BPTF: variants seen among roughly 807,000 people sequenced by gnomAD.
BPTF encodes bromodomain PHD finger transcription factor.
Under a neutral mutation model 292.5 loss-of-function variants are expected in BPTF, and 18 were observed. The observed-to-expected ratio is 0.06, with a 90% CI of 0.04 to 0.09. The LOEUF (loss-of-function observed/expected upper bound fraction) is 0.09, where lower values mean the gene tolerates loss of function less well. BPTF is among the 10% of genes least tolerant of loss of function. The pLI, the probability that BPTF is intolerant of heterozygous loss-of-function variation, is 1.00. For missense variants in BPTF, 2,726 were observed against 3,498.7 expected, an observed-to-expected ratio of 0.78 and a Z score of 5.57; for synonymous variants, 1,225 against 1,251.9, an observed-to-expected ratio of 0.98 and a Z score of 0.45.
chr17:67,890,136 C>G (rs1017762918), intron 4 of BPTF, among the ~76,000 whole-genome samples: 17 of 152,250 alleles, frequency 1.1e-4, no homozygotes, highest in Non-Finnish European at 2.1e-4. Context: ...ATTTTGGAGT[C>G]AAAATCTTAA....
intron 3 of BPTF, among the ~76,000 whole-genome samples, chr17:67,871,441 CAAAA>C: frequency 1.2e-5 from 1 of 80,142 alleles, no homozygotes; most frequent in African/African-American, 4.3e-5. Context: ...ACTTTGTCTC[CAAAA>C]AAAAAAAAAA....
At chr17:67,899,473 T>A (rs2061672177) in intron 7 of BPTF, among the ~76,000 whole-genome samples, 1 of 152,152 alleles carries the variant, frequency 6.6e-6, no homozygotes, top group Non-Finnish European at 1.5e-5. Flanking sequence ...GGGAACCTTC[T>A]TTGATAGTAA....
chr17:67,925,608 T>C (rs1239865465), intron 15 of BPTF, among the ~76,000 whole-genome samples: 1 of 152,176 alleles, frequency 6.6e-6, no homozygotes, highest in Non-Finnish European at 1.5e-5. Context: ...ATTGAGAAAA[T>C]ACTGTAAGAG....
chr17:67,843,782 T>TTTTTTTTTTTTTTTTTG (rs2057778684), intron 1 of BPTF, among the ~76,000 whole-genome samples: 1 of 124,542 alleles, frequency 8.0e-6, no homozygotes, highest in African/African-American at 3.1e-5. Flanking sequence ...TTTTTTTTTT[T>TTTTTTTTTTTTTTTTTG]GAGATGGAGT....
intron 2 of BPTF, 66 bp from the exon 3 acceptor site, chr17:67,866,398 A>T: frequency 8.1e-7 from 1 of 1,237,398 alleles, no homozygotes; most frequent in Non-Finnish European, 1.2e-6. Context: ...TTCACTGGGT[A>T]GATGAACTGT....
intron 27 of BPTF, among the ~76,000 whole-genome samples, chr17:67,976,684 TCAAAAAAAAAAAA>T (rs2069470785): frequency 3.5e-5 from 1 of 28,398 alleles, no homozygotes; most frequent in African/African-American, 1.5e-4. Context: ...AGACCCTGTC[TCAAAAAAAAAAAA>T]AAAAAAAAAA....
intron 17 of BPTF, among the ~76,000 whole-genome samples, chr17:67,930,167 T>C (rs2064251702): frequency 6.6e-6 from 1 of 152,078 alleles, no homozygotes; most frequent in African/African-American, 2.4e-5. Flanking sequence ...GTTAACTAGT[T>C]TGTTATCAGC....
intron 1 of BPTF, among the ~76,000 whole-genome samples, chr17:67,844,396 C>T (rs558949057): frequency 1.8e-4 from 27 of 151,134 alleles, no homozygotes; most frequent in East Asian, 1.2e-3. Context: ...TACAGGCGCC[C>T]GCCACCACGC....
intron 4 of BPTF, among the ~76,000 whole-genome samples, chr17:67,883,001 TAAAAAAAAAAA>T (rs886889170): frequency 2.1e-5 from 2 of 94,672 alleles, no homozygotes; most frequent in Non-Finnish European, 4.4e-5. Context: ...AGACGTTGTC[TAAAAAAAAAAA>T]AAAAAAAAGA....
chr17:67,871,617 AT>A (rs1387628227), intron 3 of BPTF, among the ~76,000 whole-genome samples: 1 of 151,998 alleles, frequency 6.6e-6, no homozygotes, highest in East Asian at 1.9e-4. Flanking sequence ...TTTTAGAAGA[AT>A]TTTTTCTGAG....
In BPTF at chr17:67,911,493, CAGTAAG is replaced by C. The variant is rs775636852; in HGVS notation, c.3615_3620del (p.Ser1206_Lys1207del). 17 of 1,613,574 alleles carry C rather than the reference CAGTAAG, an allele frequency of 1.1e-5. No homozygotes were observed. The highest frequency in any genetic ancestry group is 7.7e-5 in the South Asian group (7 of 91,042). On this transcript the variant is annotated inframe_deletion, in exon 11 of 28. Coordinates refer to ENST00000306378, the MANE Select transcript of BPTF (RefSeq NM_182641.4). ...ACCTTGCCAGTAGAGGCCAGGAACC[CAGTAAG>C]AGTAAAACAAAAGGAAATGATTTTT...
intron 14 of BPTF, among the ~76,000 whole-genome samples, 161 bp from the exon 15 acceptor site, chr17:67,924,386 A>C (rs1273590699): frequency 6.6e-6 from 1 of 152,232 alleles, no homozygotes; most frequent in Non-Finnish European, 1.5e-5. Context: ...CAGTGCTGGG[A>C]TTACAGGCAT....
At chr17:67,848,251 G>A (rs2058172342) in intron 1 of BPTF, among the ~76,000 whole-genome samples, 1 of 152,062 alleles carries the variant, frequency 6.6e-6, no homozygotes, top group African/African-American at 2.4e-5. Flanking sequence ...TTTGATCTTG[G>A]CATGACTTTA....
chr17:67,924,678 A>T (rs2063724515), intron 15 of BPTF, 89 bp downstream of exon 15: 1 of 1,440,900 alleles, frequency 6.9e-7, no homozygotes, highest in South Asian at 1.2e-5. Flanking sequence ...CAGCAGGGGG[A>T]GTTGGTGCTG....
Position 67,912,102 on chromosome 17 carries a change from A to C in BPTF, c.4218A>C (p.Gln1406His). 1 of 1,606,992 alleles carries C rather than the reference A, an allele frequency of 6.2e-7. No homozygotes were observed. The highest frequency in any genetic ancestry group is 8.5e-7 in the Non-Finnish European group (1 of 1,177,910). The stretch of plus-strand genomic sequence containing the variant: ...AAGGACAGAGAACAAGTACATTTCA[A>C]ATAAATGGAAAAGATAATAAACCCA... Reference protein sequence around the residue: ...EKKGQRTSTFQINGKDNKPKI... With the variant: ...EKKGQRTSTFHINGKDNKPKI... Residue 1406 changes from glutamine (Q) to histidine (H), a missense_variant, in exon 11 of 28, where the codon CAA becomes CAC. Transcript: ENST00000306378.
At chr17:67,973,472 T>C (rs1469020105) in intron 26 of BPTF, among the ~76,000 whole-genome samples, 1 of 152,050 alleles carries the variant, frequency 6.6e-6, no homozygotes, top group Non-Finnish European at 1.5e-5. Context: ...AATTTTTTTT[T>C]CCAGATTTGT....
intron 3 of BPTF, among the ~76,000 whole-genome samples, chr17:67,871,517 A>G (rs1412087205): frequency 6.6e-6 from 1 of 151,816 alleles, no homozygotes; most frequent in African/African-American, 2.4e-5. Context: ...TATATTTGTA[A>G]CTAAATATAC....
At chr17:67,853,436 A>G (rs1410681457) in intron 1 of BPTF, among the ~76,000 whole-genome samples, 1 of 152,172 alleles carries the variant, frequency 6.6e-6, no homozygotes, top group African/African-American at 2.4e-5. Flanking sequence ...TGACAAAAAA[A>G]GAGGTCTGCA....
chr17:67,899,533 C>CT (rs573598642), intron 7 of BPTF, among the ~76,000 whole-genome samples: 14,039 of 134,994 alleles, frequency 0.1, 2,204 homozygotes, highest in African/African-American at 0.34. Flanking sequence ...AGTTTTTTTT[C>CT]TTTTTTTTTT....
Sources: allele counts gnomAD v4.1 joint callset (sites outside exome capture counted in the v4.1 genomes callset), GRCh38; gene constraint gnomAD v4.1.1; transcripts MANE v1.5; gene names NCBI Gene and HGNC (gene_info 2026-07-23, HGNC 2026-07-21).